The following DNMT3B variants were observed in gnomAD, a reference collection of about 807,000 sequenced individuals.
The protein encoded by DNMT3B is DNA methyltransferase 3 beta, also known as DNA (cytosine-5)-methyltransferase 3B.
Under a neutral mutation model 120.2 loss-of-function variants are expected in DNMT3B, and 37 were observed. The ratio of observed to expected loss-of-function variants is 0.31; its 90% CI spans 0.24 to 0.40. DNMT3B has a LOEUF of 0.40. DNMT3B is among the 10% of genes least tolerant of loss of function. The pLI is 1.00. For missense variants in DNMT3B, 878 were observed against 1,137.3 expected (o/e 0.77, Z 3.28); for synonymous variants, 412 against 442.8 (o/e 0.93, Z 0.87).
At chr20:32,800,336 C>T in intron 17 of DNMT3B, 38 bp downstream of exon 17, 2 of 1,613,368 alleles carry the variant, frequency 1.2e-6, no homozygotes, top group Non-Finnish European at 1.7e-6. Context: ...TCATCTCTTC[C>T]TGTCTTTTTC....
chr20:32,762,886 C>G (rs1987058964), intron 1 of DNMT3B, among the ~76,000 whole-genome samples, 187 bp downstream of exon 1: 1 of 151,892 alleles, frequency 6.6e-6, no homozygotes, highest in Non-Finnish European at 1.5e-5. Flanking sequence ...ACGGACCCTG[C>G]TTGGGGTGGA....
chr20:32,768,524 G>A (rs879708858), intron 1 of DNMT3B, among the ~76,000 whole-genome samples: 3 of 151,846 alleles, frequency 2.0e-5, no homozygotes, highest in Non-Finnish European at 4.4e-5. Flanking sequence ...ATAGGCTCTC[G>A]GTATGTTGCC....
intron 7 of DNMT3B, among the ~76,000 whole-genome samples, chr20:32,791,378 C>A (rs2889703): frequency 0.5 from 76,312 of 152,000 alleles, 20,231 homozygotes; most frequent in East Asian, 0.99. Flanking sequence ...AAGTGTCGTA[C>A]CTAACAAGGT....
chr20:32,777,891 C>T (rs1045329573), intron 1 of DNMT3B, among the ~76,000 whole-genome samples: 1 of 152,152 alleles, frequency 6.6e-6, no homozygotes, highest in Admixed American at 6.6e-5. Context: ...GGGGAAATTC[C>T]TTAACAGGTG....
Position 32,806,240 on chromosome 20 carries a change from C to T in DNMT3B, c.2333C>T (p.Ser778Leu). The change falls in exon 22 of 23, where the codon TCG becomes TTG. Residue 778 changes from serine to leucine, a missense_variant. Ser to Leu is a moderately radical substitution (Grantham distance 145, BLOSUM62 -2). Coordinates refer to ENST00000328111, the MANE Select transcript of DNMT3B (RefSeq NM_006892.4). ...LKKVQTITTKSNSIKQGKNQL... is the reference protein window; with the variant it reads ...LKKVQTITTKLNSIKQGKNQL... ...AAAGTACAGACAATAACCACCAAGT[C>T]GAACTCGATCAAACAGGGGAAAAAC... The T allele has an allele frequency of 1.9e-6, 3 of 1,614,186 alleles. No homozygotes were observed. Among genetic ancestry groups the T allele is most frequent in the African/African-American group, 1.3e-5 (1 of 75,042 alleles).
chr20:32,773,944 T>TTTTG (rs1987908844), intron 1 of DNMT3B, among the ~76,000 whole-genome samples: 1 of 143,284 alleles, frequency 7.0e-6, no homozygotes, highest in African/African-American at 2.6e-5. Context: ...GTTTTTTTTT[T>TTTTG]TTTTTTTTTT....
intron 8 of DNMT3B, among the ~76,000 whole-genome samples, chr20:32,792,275 A>G (rs986492187): frequency 9.8e-4 from 149 of 152,172 alleles, no homozygotes; most frequent in Non-Finnish European, 1.8e-3. Flanking sequence ...CGCCTTATAT[A>G]AGATACAGAG....
chr20:32,792,599 C>CA lies in DNMT3B; in HGVS notation c.922-26dup, dbSNP rs771931437. 3 of 1,614,132 alleles carry CA rather than the reference C, an allele frequency of 1.9e-6. No homozygotes were observed. In the South Asian group the frequency reaches 3.3e-5, roughly 18 times the overall value. On this transcript the variant is annotated intron_variant, in intron 8 of 22. Transcript: ENST00000328111. The stretch of plus-strand genomic sequence containing the variant: ...GGCGAGCACCTCCTCCCCACCCCCC[C>CA]ATTCATCACAGACTCTGCCTTTGCA...
intron 10 of DNMT3B, among the ~76,000 whole-genome samples, chr20:32,794,938 G>A (rs1345795071): frequency 6.6e-6 from 1 of 152,186 alleles, no homozygotes; most frequent in African/African-American, 2.4e-5. Flanking sequence ...CATAAAACGT[G>A]CATTTGAGAA....
intron 20 of DNMT3B, among the ~76,000 whole-genome samples, chr20:32,804,151 C>T (rs1352943347): frequency 6.6e-6 from 1 of 152,088 alleles, no homozygotes; most frequent in Non-Finnish European, 1.5e-5. Flanking sequence ...GATGTGTAGG[C>T]TATGAGGTGG....
At chr20:32,800,012 T>C in intron 16 of DNMT3B, 141 bp from the exon 17 acceptor site, 1 of 1,240,738 alleles carries the variant, frequency 8.1e-7, no homozygotes, top group Non-Finnish European at 1.2e-6. Context: ...ATATGTGTGG[T>C]GCGTGTACAG....
At chr20:32,785,760 TA>T (rs1354507442) in intron 4 of DNMT3B, among the ~76,000 whole-genome samples, 6 of 152,358 alleles carry the variant, frequency 3.9e-5, no homozygotes, top group African/African-American at 4.8e-5. Flanking sequence ...ACATGGAGCC[TA>T]AGGAATTCTA....
intron 10 of DNMT3B, 126 bp downstream of exon 10, chr20:32,793,721 A>G: frequency 9.5e-7 from 1 of 1,055,626 alleles, no homozygotes; most frequent in South Asian, 1.4e-5. Flanking sequence ...CTCCCTCCCC[A>G]CTCTCCCCTC....
At chr20:32,780,158 C>T in intron 1 of DNMT3B, 160 bp from the exon 2 acceptor site, 2 of 1,613,570 alleles carry the variant, frequency 1.2e-6, no homozygotes, top group Non-Finnish European at 1.7e-6. Context: ...GAGGGGGAGG[C>T]TATGGGGGGC....
At chr20:32,784,959 A>C (rs1253292613) in intron 4 of DNMT3B, 100 bp downstream of exon 4, 1 of 1,152,200 alleles carries the variant, frequency 8.7e-7, no homozygotes, top group Non-Finnish European at 1.3e-6. Flanking sequence ...GGGAGCTTTT[A>C]AGAGAAAGTG....
Position 32,799,248 on chromosome 20 carries a change from C to A in DNMT3B, c.1679C>A (p.Ala560Asp), listed in dbSNP as rs1981027138. Reference sequence around the variant, plus strand: ...ACCTCCTTCCTTACCTGGCAGGAAGCCCCCAAGCTGTACCCTGCCATTCCC... The same window carrying A: ...ACCTCCTTCCTTACCTGGCAGGAAGACCCCAAGCTGTACCCTGCCATTCCC... ...FTSDTGLEYE[A>D]PKLYPAIPAA... Residue 560 changes from alanine (A) to aspartate (D), a missense_variant, in exon 16 of 23, where the codon GCC (alanine) becomes GAC (aspartate). Around this residue, in one of 4 missense-constraint regions of DNMT3B, gnomAD observed 334 missense variants for 518.8 expected, o/e 0.64. Transcript: ENST00000328111. 1.9e-6 allele frequency: 3 copies of A among 1,611,988 alleles called. No homozygotes were observed. Among genetic ancestry groups the A allele is most frequent in the South Asian group, 1.1e-5 (1 of 90,376 alleles).
intron 3 of DNMT3B, among the ~76,000 whole-genome samples, chr20:32,781,817 A>G (rs1423931866): frequency 2.6e-5 from 4 of 152,216 alleles, no homozygotes; most frequent in Admixed American, 6.5e-5. Context: ...TCTTTGTCCA[A>G]CATCTCTATG....
At chr20:32,785,041 C>CTTTT (rs11389019) in intron 4 of DNMT3B, among the ~76,000 whole-genome samples, 182 bp downstream of exon 4, 1 of 148,378 alleles carries the variant, frequency 6.7e-6, no homozygotes, top group Admixed American at 6.7e-5. Flanking sequence ...TTTCTTTTTT[C>CTTTT]TTTTTTTTTT....
intron 10 of DNMT3B, among the ~76,000 whole-genome samples, chr20:32,793,847 C>T (rs1375410960): frequency 2.0e-5 from 3 of 152,116 alleles, no homozygotes; most frequent in Non-Finnish European, 4.4e-5. Flanking sequence ...ATACTGTAAG[C>T]ACTGTCTGAT....
Sources: gnomAD v4.1 joint callset for allele counts (sites outside exome capture counted in the v4.1 genomes callset) on GRCh38, gnomAD v4.1.1 for gene constraint, gnomAD v4.1.1 regional missense constraint, MANE v1.5 for transcripts, NCBI Gene and HGNC (gene_info 2026-07-23, HGNC 2026-07-21) for gene names.